The following KCTD16 variants were observed in gnomAD, a reference collection of about 807,000 sequenced individuals.
KCTD16 encodes the protein potassium channel tetramerization domain containing 16.
A neutral mutation model predicts 33.2 loss-of-function variants in KCTD16; 13 were observed. The observed-to-expected ratio is 0.39, with a 90% CI of 0.25 to 0.62. The LOEUF (loss-of-function observed/expected upper bound fraction) is 0.62. Among genes scored for constraint, KCTD16 ranks in the 20% least tolerant of loss-of-function variants. The probability of loss-of-function intolerance (pLI) is 0.50; values close to 1 mark genes in which losing one functional copy is unlikely to be tolerated. For missense variants in KCTD16, 441 were observed against 525.1 expected, an observed-to-expected ratio of 0.84 and a Z score of 1.57; for synonymous variants, 197 against 195.3, an observed-to-expected ratio of 1.01 and a Z score of -0.07.
chr5:144,268,754 T>C (rs1472103917), intron 3 of KCTD16, among the ~76,000 whole-genome samples: 1 of 152,128 alleles, frequency 6.6e-6, no homozygotes, highest in Non-Finnish European at 1.5e-5. Context: ...AAACTGTTCC[T>C]GAAAAAGACC....
chr5:144,192,113 G>T (rs1371653292), intron 2 of KCTD16, among the ~76,000 whole-genome samples: 1 of 152,132 alleles, frequency 6.6e-6, no homozygotes, highest in African/African-American at 2.4e-5. Context: ...CAAGTGGAAA[G>T]AAATTAGTAA....
chr5:144,175,402 TA>T (rs1164826009), intron 2 of KCTD16, among the ~76,000 whole-genome samples: 1 of 152,242 alleles, frequency 6.6e-6, no homozygotes, highest in Non-Finnish European at 1.5e-5. Context: ...CTGATTAATA[TA>T]CTAATTTATC....
At chr5:144,403,141 GT>G (rs1424517592) in intron 3 of KCTD16, among the ~76,000 whole-genome samples, 9 of 152,118 alleles carry the variant, frequency 5.9e-5, no homozygotes, top group African/African-American at 1.9e-4. Flanking sequence ...ATAATCCAGG[GT>G]TATCTCCCAT....
chr5:144,394,824 C>T lies in KCTD16; in HGVS notation c.833-78836C>T, dbSNP rs189763379. On this transcript the variant is annotated intron_variant, in intron 3 of 3. Transcript: ENST00000512467. ...GTTTCCTGAGGCCTCTCTAGCCATG[C>T]GGAACTGTGAATCAGTTAAACTTCT... Among the ~76,000 whole-genome samples, 69 of 152,328 alleles carry T rather than the reference C, an allele frequency of 4.5e-4. No individual in the cohort carries two copies. The Middle Eastern group carries it at 0.01, about 23-fold the overall frequency.
At chr5:144,234,815 T>C (rs1179965428) in intron 3 of KCTD16, among the ~76,000 whole-genome samples, 5 of 152,016 alleles carry the variant, frequency 3.3e-5, no homozygotes, top group Admixed American at 3.3e-4. Context: ...TGCATATATG[T>C]ATATATGTGT....
chr5:144,354,804 A>G (rs1269015842), intron 3 of KCTD16, among the ~76,000 whole-genome samples: 1 of 152,202 alleles, frequency 6.6e-6, no homozygotes, highest in African/African-American at 2.4e-5. Context: ...TGAATTTCAT[A>G]TGAGACATAC....
At chr5:144,295,760 A>G (rs1300180241) in intron 3 of KCTD16, among the ~76,000 whole-genome samples, 3 of 152,212 alleles carry the variant, frequency 2.0e-5, no homozygotes, top group African/African-American at 4.8e-5. Context: ...ATCTAGTTAC[A>G]TGAGTTCTCA....
rs397999492 is a variant in KCTD16, at chr5:144,388,065, G to GTTTTTT, written c.833-85570_833-85565dup. On this transcript the variant is annotated intron_variant, in intron 3 of 3. Transcript: ENST00000512467. ...AATCCAGAGTTCAATTTTAGAGCAA[G>GTTTTTT]TTTTTTTTTTTTTTTTTTTTTTTTT... Among the ~76,000 whole-genome samples, 151 of 73,658 alleles carry GTTTTTT rather than the reference G, an allele frequency of 2.1e-3. 24 individuals are homozygous for GTTTTTT. Among genetic ancestry groups the GTTTTTT allele is most frequent in the African/African-American group, 6.6e-3 (107 of 16,098 alleles). 48.3% of individuals were successfully genotyped at this position (73,658 alleles called of 152,430 possible).
intron 3 of KCTD16, among the ~76,000 whole-genome samples, chr5:144,356,943 G>T (rs990190531): frequency 6.6e-6 from 1 of 151,832 alleles, no homozygotes; most frequent in Non-Finnish European, 1.5e-5. Context: ...AAATAACTCA[G>T]ATCAAAGAGA....
chr5:144,232,215 A>G (rs1036732520), intron 3 of KCTD16, among the ~76,000 whole-genome samples: 4 of 152,244 alleles, frequency 2.6e-5, no homozygotes, highest in African/African-American at 9.6e-5. Context: ...ATGGTTTGCC[A>G]AAGGATAGAC....
Position 144,206,452 on chromosome 5 carries a change from A to T in KCTD16, c.-263A>T. The T allele has an allele frequency of 2.6e-6, 1 of 391,980 alleles. No homozygotes were observed. The highest frequency in any genetic ancestry group is 4.0e-5 in the Admixed American group (1 of 24,768). The allele number at this position is 391,980 out of a possible 1,614,324, so 24.3% of individuals were successfully genotyped here. On this transcript the variant is annotated 5_prime_UTR_variant, in exon 3 of 4. Transcript: ENST00000512467. ...ATGTGAGCTTGATGGAAGATTGGAT[A>T]TAGACGAGTTGATTATATTTTATGA...
At chr5:144,259,154 A>T (rs1754932323) in intron 3 of KCTD16, among the ~76,000 whole-genome samples, 1 of 149,860 alleles carries the variant, frequency 6.7e-6, no homozygotes, top group South Asian at 2.1e-4. Context: ...GCTACTCAGG[A>T]GACTGAGGCA....
At chr5:144,398,132 A>C (rs1434763158) in intron 3 of KCTD16, among the ~76,000 whole-genome samples, 2 of 152,192 alleles carry the variant, frequency 1.3e-5, no homozygotes, top group Non-Finnish European at 2.9e-5. Context: ...CTATATGGTG[A>C]AGTTCCTGCC....
chr5:144,317,189 A>G (rs1312230907), intron 3 of KCTD16, among the ~76,000 whole-genome samples: 1 of 152,098 alleles, frequency 6.6e-6, no homozygotes, highest in Non-Finnish European at 1.5e-5. Context: ...TTGGCAACCA[A>G]GTCTTCAAAA....
intron 3 of KCTD16, among the ~76,000 whole-genome samples, chr5:144,413,034 A>T (rs1272533743): frequency 1.3e-5 from 2 of 152,256 alleles, no homozygotes; most frequent in Non-Finnish European, 2.9e-5. Context: ...TTAAGGTGCC[A>T]TATATTCCAG....
chr5:144,186,987 A>C (rs965592812), intron 2 of KCTD16, among the ~76,000 whole-genome samples: 1 of 152,182 alleles, frequency 6.6e-6, no homozygotes, highest in African/African-American at 2.4e-5. Flanking sequence ...CAGCGCTTAC[A>C]GTGTCACTGG....
chr5:144,468,096 C>T (rs1266285964), intron 3 of KCTD16, among the ~76,000 whole-genome samples: 1 of 152,182 alleles, frequency 6.6e-6, no homozygotes, highest in East Asian at 1.9e-4. Flanking sequence ...ATCCCCTGAG[C>T]CAGGCTGCTT....
chr5:144,315,575 G>A (rs1370677907), intron 3 of KCTD16, among the ~76,000 whole-genome samples: 1 of 152,084 alleles, frequency 6.6e-6, no homozygotes, highest in Admixed American at 6.6e-5. Flanking sequence ...TAAGTGTTAT[G>A]TGCCAAGCAA....
intron 3 of KCTD16, among the ~76,000 whole-genome samples, chr5:144,387,397 A>G (rs1752349649): frequency 6.6e-6 from 1 of 152,160 alleles, no homozygotes; most frequent in Non-Finnish European, 1.5e-5. Context: ...AAGTCATTCA[A>G]GGTCACATAT....
Sources: allele counts gnomAD v4.1 joint callset (sites outside exome capture counted in the v4.1 genomes callset), GRCh38; gene constraint gnomAD v4.1.1; transcripts MANE v1.5; gene names NCBI Gene and HGNC (gene_info 2026-07-23, HGNC 2026-07-21).